PCDH15: variants seen among roughly 807,000 people sequenced by gnomAD.
The protein encoded by PCDH15 is protocadherin-15.
PCDH15 carries 129 observed loss-of-function variants against 178.5 expected under a neutral mutation model. The observed-to-expected ratio is 0.72, with a 90% confidence interval of 0.63 to 0.84. PCDH15 has a LOEUF of 0.84. Among genes scored for constraint, PCDH15 ranks in the 40% least tolerant of loss-of-function variants. The probability of loss-of-function intolerance (pLI) is 0.00; values close to 1 mark genes in which losing one functional copy is unlikely to be tolerated. For missense variants in PCDH15, 2,230 were observed against 2,099.9 expected (o/e 1.06, Z -1.21); for synonymous variants, 800 against 732.0 (o/e 1.09, Z -1.50).
chr10:54,948,942 C>CT (rs1216100045), intron 2 of PCDH15, among the ~76,000 whole-genome samples: 1 of 151,768 alleles, frequency 6.6e-6, no homozygotes, highest in Admixed American at 6.6e-5. Flanking sequence ...GCCTTGGTCT[C>CT]TTTTTTTAAG....
At chr10:55,497,083 A>G (rs1840551102) in intron 2 of PCDH15, among the ~76,000 whole-genome samples, 1 of 151,862 alleles carries the variant, frequency 6.6e-6, no homozygotes, top group Non-Finnish European at 1.5e-5. Flanking sequence ...AAAATATTAA[A>G]TGGAAAAAAT....
At chr10:54,495,949 T>A (rs1204366656) in intron 3 of PCDH15, among the ~76,000 whole-genome samples, 1 of 152,162 alleles carries the variant, frequency 6.6e-6, no homozygotes, top group Non-Finnish European at 1.5e-5. Context: ...TTCAGAAATC[T>A]TAAGAATAGG....
intron 18 of PCDH15, among the ~76,000 whole-genome samples, chr10:54,036,157 G>A (rs986402393): frequency 6.6e-6 from 1 of 151,968 alleles, no homozygotes; most frequent in African/African-American, 2.4e-5. Flanking sequence ...AGGTGAAGCA[G>A]CAAGTGCAGA....
intron 2 of PCDH15, among the ~76,000 whole-genome samples, chr10:54,994,562 G>A (rs1460750979): frequency 6.6e-6 from 1 of 151,998 alleles, no homozygotes; most frequent in Non-Finnish European, 1.5e-5. Context: ...TCAGATTATA[G>A]AAGTTTACAT....
intron 1 of PCDH15, among the ~76,000 whole-genome samples, chr10:55,285,169 T>C (rs181782385): frequency 4.8e-5 from 7 of 146,118 alleles, no homozygotes; most frequent in Admixed American, 4.7e-4. Flanking sequence ...AAGTTTACCA[T>C]ATAAACTTGT....
At chr10:54,846,267 T>G (rs1953509327) in intron 3 of PCDH15, among the ~76,000 whole-genome samples, 1 of 152,192 alleles carries the variant, frequency 6.6e-6, no homozygotes, top group African/African-American at 2.4e-5. Context: ...TGCTCATTAT[T>G]CTAAAGTTTA....
In PCDH15 at chr10:55,233,598, T is replaced by C. The variant is rs1244904738; in HGVS notation, c.-155-66947A>G. ...TTTACTCAAATATTTGAGTAAACTTTACCATTTTTTTCTCCTAACAATCTA... is the reference window on the plus strand; with the variant it reads ...TTTACTCAAATATTTGAGTAAACTTCACCATTTTTTTCTCCTAACAATCTA... On this transcript the variant is annotated intron_variant, in intron 1 of 5. Coordinates refer to the PCDH15 transcript ENST00000458638. 3.3e-5 allele frequency among the ~76,000 whole-genome samples: 5 copies of C among 151,994 alleles called. 1 individual carries two copies. The highest frequency in any genetic ancestry group is 1.2e-4 in the African/African-American group (5 of 41,310).
Position 54,779,525 on chromosome 10 carries a change from T to TACACACATATATGTGTGTATATATATAC in PCDH15, c.-29+21399_-29+21400insGTATATATATACACACATATATGTGTGT, listed in dbSNP as rs1566223998. Among the ~76,000 whole-genome samples, 35 of 130,676 alleles carry TACACACATATATGTGTGTATATATATAC rather than the reference T, an allele frequency of 2.7e-4. No individual in the cohort carries two copies. The East Asian group carries it at 6.5e-3, about 24-fold the overall frequency. 85.7% of individuals were successfully genotyped at this position (130,676 alleles called of 152,430 possible). A position where few individuals can be genotyped will look rare whatever the true frequency, so the allele number is the denominator to read the frequency against. ...ACACATATATGTGTGTATATATATA[T>TACACACATATATGTGTGTATATATATAC]ACACACACATATATATAGCATTTCT... On this transcript the variant is annotated intron_variant, in intron 1 of 37. Coordinates refer to ENST00000644397, the MANE Select transcript of PCDH15 (RefSeq NM_001384140.1).
chr10:53,911,624 C>T (rs972679031), intron 25 of PCDH15, among the ~76,000 whole-genome samples: 1 of 152,132 alleles, frequency 6.6e-6, no homozygotes, highest in South Asian at 2.1e-4. Context: ...GAGATAGAAA[C>T]ACAAAGAACC....
chr10:54,257,788 T>C, intron 8 of PCDH15, among the ~76,000 whole-genome samples: 1 of 152,124 alleles, frequency 6.6e-6, no homozygotes, highest in East Asian at 1.9e-4. Flanking sequence ...TGACCAAAAA[T>C]AAAAGCATGC....
At chr10:54,019,444 G>A (rs1366495176) in intron 20 of PCDH15, among the ~76,000 whole-genome samples, 2 of 152,048 alleles carry the variant, frequency 1.3e-5, no homozygotes, top group African/African-American at 4.8e-5. Flanking sequence ...GGTCCCCATG[G>A]GACAGGTCCT....
chr10:55,055,921 C>T (rs1213791911), intron 2 of PCDH15, among the ~76,000 whole-genome samples: 1 of 152,026 alleles, frequency 6.6e-6, no homozygotes, highest in Non-Finnish European at 1.5e-5. Flanking sequence ...TAAAGAAAAC[C>T]ATTTCTAACT....
chr10:54,543,302 G>A (rs568904226), intron 2 of PCDH15, among the ~76,000 whole-genome samples: 1 of 152,164 alleles, frequency 6.6e-6, no homozygotes, highest in African/African-American at 2.4e-5. Flanking sequence ...AAGGAAGGGG[G>A]TCTAATTAAG....
At chr10:54,396,445 G>C (rs1951235081) in intron 3 of PCDH15, among the ~76,000 whole-genome samples, 1 of 151,838 alleles carries the variant, frequency 6.6e-6, no homozygotes, top group African/African-American at 2.4e-5. Flanking sequence ...CTCTCTTTTG[G>C]TCCATGGGTC....
At chr10:54,912,929 C>CT (rs1208774253) in intron 2 of PCDH15, among the ~76,000 whole-genome samples, 1 of 152,116 alleles carries the variant, frequency 6.6e-6, no homozygotes, top group Non-Finnish European at 1.5e-5. Flanking sequence ...AGAAAAGAGA[C>CT]TGTTGGCATT....
At chr10:53,965,078 G>A (rs1589659440) in intron 21 of PCDH15, among the ~76,000 whole-genome samples, 2 of 142,626 alleles carry the variant, frequency 1.4e-5, no homozygotes, top group Non-Finnish European at 1.5e-5. Context: ...TTTTTTTTGA[G>A]ACAGAGTCTT....
chr10:55,191,232 C>T (rs1048783525), intron 1 of PCDH15, among the ~76,000 whole-genome samples: 4 of 150,706 alleles, frequency 2.7e-5, no homozygotes, highest in Non-Finnish European at 4.4e-5. Context: ...GTGACATATC[C>T]TGTTAGTTCT....
At chr10:53,868,163 A>G (rs1339501679) in intron 26 of PCDH15, among the ~76,000 whole-genome samples, 3 of 152,064 alleles carry the variant, frequency 2.0e-5, no homozygotes, top group African/African-American at 7.2e-5. Flanking sequence ...AAAAGACTAT[A>G]TATACCTTAT....
intron 2 of PCDH15, among the ~76,000 whole-genome samples, chr10:54,965,815 C>G (rs1838772361): frequency 6.6e-6 from 1 of 151,008 alleles, no homozygotes; most frequent in Admixed American, 6.6e-5. Context: ...CATAGCTTAA[C>G]TCTTCATGTA....
Sources: allele counts gnomAD v4.1 joint callset (sites outside exome capture counted in the v4.1 genomes callset), GRCh38; gene constraint gnomAD v4.1.1; transcripts MANE v1.5; gene names NCBI Gene and HGNC (gene_info 2026-07-23, HGNC 2026-07-21).